Variants in BMPR2 observed in about 807,000 individuals in gnomAD.
BMPR2 encodes bone morphogenetic protein receptor type 2.
Under a neutral mutation model 100.8 loss-of-function variants are expected in BMPR2, and 29 were observed. The observed-to-expected ratio is 0.29, with a 90% CI of 0.21 to 0.39. The LOEUF (loss-of-function observed/expected upper bound fraction) is 0.39. Among genes scored for constraint, BMPR2 ranks in the 10% least tolerant of loss-of-function variants. BMPR2 has a pLI of 1.00. For synonymous variants in BMPR2, 382 were observed against 442.3 expected, an observed-to-expected ratio of 0.86 and a Z score of 1.71; for missense variants, 1,011 against 1,274.5, an observed-to-expected ratio of 0.79 and a Z score of 3.15.
chr2:202,423,558 C>T lies in BMPR2; in HGVS notation c.77-41251C>T, dbSNP rs115113046. On this transcript the variant is annotated intron_variant, in intron 1 of 12. Coordinates refer to ENST00000374580, the MANE Select transcript of BMPR2 (RefSeq NM_001204.7). ...TTGAGCCCAGGAGTTCAAGATCAGCCTAGGCACAGTGGCAAGACCCTTTTC... is the reference window on the plus strand; with the variant it reads ...TTGAGCCCAGGAGTTCAAGATCAGCTTAGGCACAGTGGCAAGACCCTTTTC... Among the ~76,000 whole-genome samples the T allele has an allele frequency of 2.0e-3, 302 of 152,192 alleles. 1 individual carries two copies. Among genetic ancestry groups the T allele is most frequent in the African/African-American group, 6.6e-3 (274 of 41,540 alleles).
intron 1 of BMPR2, among the ~76,000 whole-genome samples, chr2:202,378,619 C>A (rs72925025): frequency 6.6e-6 from 1 of 151,982 alleles, no homozygotes; most frequent in Non-Finnish European, 1.5e-5. Context: ...TCCTTTTATG[C>A]TTTTGCTATT....
intron 3 of BMPR2, among the ~76,000 whole-genome samples, chr2:202,475,444 A>G (rs1249584235): frequency 6.6e-6 from 1 of 152,242 alleles, no homozygotes; most frequent in Non-Finnish European, 1.5e-5. Context: ...ATATTAATGT[A>G]GAAGGCACAG....
chr2:202,556,583 A>T (rs1325966108), intron 12 of BMPR2, 52 bp downstream of exon 12: 1 of 1,577,270 alleles, frequency 6.3e-7, no homozygotes, highest in Non-Finnish European at 8.6e-7. Flanking sequence ...GGGCCATTTA[A>T]ATAACTATTT....
At chr2:202,497,068 G>C (rs532983443) in intron 3 of BMPR2, among the ~76,000 whole-genome samples, 184 of 152,362 alleles carry the variant, frequency 1.2e-3, no homozygotes, top group Non-Finnish European at 1.7e-3. Context: ...GCGGCTGCGG[G>C]GGGTGCACTG....
At chr2:202,383,483 C>A (rs1376290596) in intron 1 of BMPR2, among the ~76,000 whole-genome samples, 1 of 152,124 alleles carries the variant, frequency 6.6e-6, no homozygotes, top group Non-Finnish European at 1.5e-5. Context: ...GAGTTCGAGA[C>A]CAACCCGGCC....
At chr2:202,436,767 T>C (rs1183939511) in intron 1 of BMPR2, among the ~76,000 whole-genome samples, 1 of 150,678 alleles carries the variant, frequency 6.6e-6, no homozygotes, top group Non-Finnish European at 1.5e-5. Context: ...TGTATTCTTT[T>C]CATACAGTTT....
At chr2:202,467,839 A>C in intron 3 of BMPR2, 150 bp downstream of exon 3, 1 of 798,042 alleles carries the variant, frequency 1.3e-6, no homozygotes, top group African/African-American at 1.7e-5. Flanking sequence ...TGGATGGATC[A>C]CCTGAGGTCA....
chr2:202,427,561 C>T (rs1385941693), intron 1 of BMPR2, among the ~76,000 whole-genome samples: 5 of 150,462 alleles, frequency 3.3e-5, no homozygotes, highest in South Asian at 2.1e-4. Flanking sequence ...AAAACTTTTT[C>T]GTTCCTATAC....
intron 1 of BMPR2, among the ~76,000 whole-genome samples, chr2:202,429,045 C>G (rs1361270621): frequency 6.6e-6 from 1 of 152,052 alleles, no homozygotes; most frequent in African/African-American, 2.4e-5. Flanking sequence ...TATACTAGTT[C>G]CATTTGGCCC....
At chr2:202,450,763 CTTAAAT>C (rs980523031) in intron 1 of BMPR2, among the ~76,000 whole-genome samples, 1 of 148,630 alleles carries the variant, frequency 6.7e-6, no homozygotes, top group Non-Finnish European at 1.5e-5. Flanking sequence ...GATTTATATA[CTTAAAT>C]TTAGAAATTT....
At chr2:202,520,912 T>C (rs1393629920) in intron 7 of BMPR2, 1 of 153,878 alleles carries the variant, frequency 6.5e-6, no homozygotes, top group Non-Finnish European at 1.4e-5. Context: ...CATGAGGCTA[T>C]AGGAAAAGGC....
chr2:202,398,322 T>A (rs1426276509), intron 1 of BMPR2, among the ~76,000 whole-genome samples: 1 of 152,186 alleles, frequency 6.6e-6, no homozygotes, highest in Non-Finnish European at 1.5e-5. Flanking sequence ...TATAAAGATT[T>A]CCTTTTGTTT....
chr2:202,400,148 T>C (rs1248160723), intron 1 of BMPR2, among the ~76,000 whole-genome samples: 1 of 151,986 alleles, frequency 6.6e-6, no homozygotes, highest in Non-Finnish European at 1.5e-5. Flanking sequence ...ATTAGTTTAT[T>C]ATTATTATGG....
At chr2:202,534,243 T>G (rs1024412804) in intron 9 of BMPR2, among the ~76,000 whole-genome samples, 1 of 146,998 alleles carries the variant, frequency 6.8e-6, no homozygotes, top group Non-Finnish European at 1.5e-5. Flanking sequence ...ATAAATAAAA[T>G]TTTTATTTAT....
In BMPR2 at chr2:202,556,017, C is replaced by G; in HGVS notation, c.2352C>G (p.Val784=). 3 of 1,614,126 alleles carry G rather than the reference C, an allele frequency of 1.9e-6. 1 individual carries two copies. In the South Asian group the frequency reaches 3.3e-5, roughly 18 times the overall value. ...GSKHKSNLKQ[V]ETGVAKMNTI... The stretch of plus-strand genomic sequence containing the variant: ...AGCACAAATCAAACTTGAAACAAGT[C>G]GAAACTGGAGTTGCCAAGATGAATA... The change falls in exon 12 of 13, where the codon GTC becomes GTG. Residue 784 remains valine (V), a synonymous_variant. Transcript: ENST00000374580.
At chr2:202,437,584 TAAG>T (rs1425324655) in intron 1 of BMPR2, among the ~76,000 whole-genome samples, 1 of 150,510 alleles carries the variant, frequency 6.6e-6, no homozygotes, top group Non-Finnish European at 1.5e-5. Context: ...CTTACACCAC[TAAG>T]AAGTCCCATG....
At position 202,515,130 on chromosome 2, in the gene BMPR2, G is replaced by T. The variant is rs190907228; in HGVS notation, c.621+151G>T. On this transcript the variant is annotated intron_variant, in intron 5 of 12. Transcript: ENST00000374580. ...TGTCAAGGCCTATTCTAGGCACTAG[G>T]AACATAGGTGAACAATGTCTCCTGG... 29 of 735,564 alleles carry T rather than the reference G, an allele frequency of 3.9e-5. No individual in the cohort carries two copies. The Admixed American group carries it at 4.8e-4, about 12-fold the overall frequency. 45.6% of individuals were successfully genotyped at this position (735,564 alleles called of 1,614,324 possible).
Position 202,517,233 on chromosome 2 carries a change from A to G in BMPR2, c.622-1589A>G, listed in dbSNP as rs186800047. Among the ~76,000 whole-genome samples the G allele has an allele frequency of 5.5e-4, 83 of 152,030 alleles. 1 individual carries two copies. The highest frequency in any genetic ancestry group is 2.2e-3 in the Admixed American group (33 of 15,286). ...AGACTATCTCAATTAAAAAAAAAAAAAAAGATTTTTTTTTGTTGTTTTAGT... is the reference window on the plus strand; with the variant it reads ...AGACTATCTCAATTAAAAAAAAAAAGAAAGATTTTTTTTTGTTGTTTTAGT... On this transcript the variant is annotated intron_variant, in intron 5 of 12. Coordinates refer to ENST00000374580, the MANE Select transcript of BMPR2 (RefSeq NM_001204.7).
At chr2:202,520,702 C>T (rs1248324200) in intron 7 of BMPR2, 1 of 157,086 alleles carries the variant, frequency 6.4e-6, no homozygotes, top group Non-Finnish European at 1.4e-5. Context: ...TTGATAGAAT[C>T]CCCCTGCCAT....
Sources: gnomAD v4.1 joint callset for allele counts (sites outside exome capture counted in the v4.1 genomes callset) on GRCh38, gnomAD v4.1.1 for gene constraint, MANE v1.5 for transcripts, NCBI Gene and HGNC (gene_info 2026-07-23, HGNC 2026-07-21) for gene names.